CADM2: variants seen among roughly 807,000 people sequenced by gnomAD.
CADM2 encodes immunoglobulin superfamily member 4D.
CADM2 carries 12 observed loss-of-function variants against 49.8 expected under a neutral mutation model. That is an observed-to-expected ratio of 0.24 (90% CI 0.15 to 0.39). The LOEUF is 0.39. Ranked by LOEUF, CADM2 falls within the 10% of genes least tolerant of loss-of-function variation. The pLI is 1.00. For missense variants in CADM2, 378 were observed against 492.3 expected, an observed-to-expected ratio of 0.77 and a Z score of 2.20; for synonymous variants, 214 against 175.4, an observed-to-expected ratio of 1.22 and a Z score of -1.74.
At chr3:85,897,241 CTTTTTTTTTTTTTTTTTTTTTTTT>C (rs752550127) in intron 5 of CADM2, among the ~76,000 whole-genome samples, 5 of 45,926 alleles carry the variant, frequency 1.1e-4, no homozygotes, top group Non-Finnish European at 2.3e-4. Flanking sequence ...TAACCTACAT[CTTTTTTTTTTTTTTTTTTTTTTTT>C]TTTTTTTTTT....
chr3:85,312,646 A>G (rs374422039), intron 1 of CADM2, among the ~76,000 whole-genome samples: 1 of 152,142 alleles, frequency 6.6e-6, no homozygotes, highest in Non-Finnish European at 1.5e-5. Flanking sequence ...GTTAATACTC[A>G]CTATAAAAAT....
intron 1 of CADM2, among the ~76,000 whole-genome samples, chr3:85,249,669 C>T (rs893275606): frequency 5.9e-5 from 9 of 151,878 alleles, no homozygotes; most frequent in African/African-American, 2.2e-4. Context: ...TTCAGGTCTA[C>T]TTTTGCAAAT....
chr3:85,212,838 C>CTT (rs1377160572), intron 1 of CADM2, among the ~76,000 whole-genome samples: 2 of 110,114 alleles, frequency 1.8e-5, no homozygotes, highest in African/African-American at 8.4e-5. Flanking sequence ...TTCTTTCTTT[C>CTT]TTTCTTTCTT....
intron 1 of CADM2, among the ~76,000 whole-genome samples, chr3:85,143,357 A>G (rs2039635116): frequency 6.6e-6 from 1 of 152,116 alleles, no homozygotes; most frequent in Non-Finnish European, 1.5e-5. Context: ...GCATCGTGTC[A>G]CACACTTGCA....
intron 1 of CADM2, among the ~76,000 whole-genome samples, chr3:84,992,467 A>C (rs1385773380): frequency 1.3e-5 from 2 of 152,072 alleles, no homozygotes; most frequent in African/African-American, 4.8e-5. Flanking sequence ...TGTCTCTACT[A>C]AAAATACAAA....
At chr3:85,527,831 A>T (rs2061198512) in intron 1 of CADM2, among the ~76,000 whole-genome samples, 1 of 152,232 alleles carries the variant, frequency 6.6e-6, no homozygotes, top group African/African-American at 2.4e-5. Flanking sequence ...CATTAACAAT[A>T]CTCTGAATCA....
intron 8 of CADM2, among the ~76,000 whole-genome samples, chr3:86,031,717 T>G (rs1466883122): frequency 4.0e-5 from 6 of 151,786 alleles, no homozygotes; most frequent in Admixed American, 3.9e-4. Flanking sequence ...GCTTGGGAAT[T>G]ACATGAAGAA....
intron 1 of CADM2, among the ~76,000 whole-genome samples, chr3:84,963,920 T>G (rs2030766600): frequency 6.6e-6 from 1 of 152,200 alleles, no homozygotes; most frequent in Admixed American, 6.5e-5. Context: ...AACATAAACT[T>G]TGGAAAGTGG....
intron 7 of CADM2, among the ~76,000 whole-genome samples, chr3:85,942,604 G>A (rs1358322217): frequency 2.6e-5 from 4 of 151,234 alleles, no homozygotes; most frequent in Non-Finnish European, 4.4e-5. Flanking sequence ...TTGTTCTTGC[G>A]ATAGTTTACT....
At chr3:85,744,561 A>T (rs2068532461) in intron 2 of CADM2, among the ~76,000 whole-genome samples, 2 of 152,162 alleles carry the variant, frequency 1.3e-5, no homozygotes, top group African/African-American at 4.8e-5. Context: ...AAGTAAATGA[A>T]ATACTCGGGG....
At chr3:85,906,919 G>A (rs918964405) in intron 5 of CADM2, among the ~76,000 whole-genome samples, 2 of 152,180 alleles carry the variant, frequency 1.3e-5, no homozygotes, top group African/African-American at 4.8e-5. Flanking sequence ...TGCCTTTAAA[G>A]TATGCATCCA....
intron 1 of CADM2, among the ~76,000 whole-genome samples, chr3:85,091,898 A>C (rs1049377002): frequency 3.9e-5 from 6 of 152,262 alleles, no homozygotes; most frequent in Admixed American, 2.0e-4. Context: ...TTTAAACATC[A>C]AATTCCAATA....
intron 2 of CADM2, among the ~76,000 whole-genome samples, chr3:85,791,544 AAGAGAGAGAG>A (rs71112119): frequency 4.0e-5 from 4 of 99,944 alleles, no homozygotes; most frequent in Non-Finnish European, 4.4e-5. Context: ...GAGAGAGAGA[AAGAGAGAGAG>A]AGAGAGAGAG....
chr3:85,637,588 G>A (rs1374699935), intron 1 of CADM2, among the ~76,000 whole-genome samples: 4 of 64,134 alleles, frequency 6.2e-5, no homozygotes, highest in Non-Finnish European at 9.7e-5. Flanking sequence ...CGGCCTGGGC[G>A]ACAGAGCGAG....
chr3:85,128,076 T>C (rs1171099798), intron 1 of CADM2, among the ~76,000 whole-genome samples: 1 of 149,034 alleles, frequency 6.7e-6, no homozygotes, highest in East Asian at 1.9e-4. Context: ...ATTTCCATTA[T>C]TGCAGAAAGT....
At chr3:85,850,512 T>TGGA (rs2075064668) in intron 3 of CADM2, among the ~76,000 whole-genome samples, 2 of 151,854 alleles carry the variant, frequency 1.3e-5, no homozygotes, top group Admixed American at 6.6e-5. Context: ...TTTTTTTTAG[T>TGGA]AGAGACGGGG....
chr3:85,776,067 G>A (rs1343341158), intron 2 of CADM2, among the ~76,000 whole-genome samples: 1 of 151,164 alleles, frequency 6.6e-6, no homozygotes, highest in Admixed American at 6.6e-5. Flanking sequence ...TTCTCTTGGG[G>A]GTTATAATGA....
intron 1 of CADM2, among the ~76,000 whole-genome samples, chr3:85,548,772 A>C (rs746701759): frequency 3.9e-5 from 6 of 152,162 alleles, no homozygotes; most frequent in Non-Finnish European, 8.8e-5. Flanking sequence ...TTGCTTCTAA[A>C]TTGCCTTCAT....
intron 1 of CADM2, among the ~76,000 whole-genome samples, chr3:85,109,603 T>C (rs2107565667): frequency 6.6e-6 from 1 of 152,124 alleles, no homozygotes; most frequent in African/African-American, 2.4e-5. Flanking sequence ...ATTTAAAATT[T>C]ATCTTCTTGT....
Sources: allele counts gnomAD v4.1 joint callset (sites outside exome capture counted in the v4.1 genomes callset), GRCh38; gene constraint gnomAD v4.1.1; transcripts MANE v1.5; gene names NCBI Gene and HGNC (gene_info 2026-07-23, HGNC 2026-07-21).